The following TTLL11 variants were observed in gnomAD, a reference collection of about 807,000 sequenced individuals.
The protein encoded by TTLL11 is tubulin tyrosine ligase like 11, also known as tubulin polyglutamylase TTLL11.
In TTLL11, 42 loss-of-function variants were observed where a neutral mutation model predicts 51.7. That is an observed-to-expected ratio of 0.81 (90% CI 0.64 to 1.05). The LOEUF (loss-of-function observed/expected upper bound fraction) is 1.05. TTLL11 is among the 50% of genes least tolerant of loss of function. The pLI is 0.00. For missense variants in TTLL11, 799 were observed against 940.4 expected, an observed-to-expected ratio of 0.85 and a Z score of 1.97; for synonymous variants, 381 against 383.5, an observed-to-expected ratio of 0.99 and a Z score of 0.08.
At chr9:122,072,264 C>T (rs2131896120) in intron 1 of TTLL11, among the ~76,000 whole-genome samples, 1 of 152,242 alleles carries the variant, frequency 6.6e-6, no homozygotes, top group Non-Finnish European at 1.5e-5. Flanking sequence ...GCTTGCAGCT[C>T]AGTTCTGTAT....
chr9:122,052,366 G>A (rs891963401), intron 1 of TTLL11, among the ~76,000 whole-genome samples: 5 of 152,330 alleles, frequency 3.3e-5, no homozygotes, highest in South Asian at 2.1e-4. Flanking sequence ...ACAGCTTCCC[G>A]ACTGCAGTGT....
At chr9:121,897,473 C>T (rs917062231) in intron 6 of TTLL11, among the ~76,000 whole-genome samples, 6 of 152,112 alleles carry the variant, frequency 3.9e-5, no homozygotes, top group African/African-American at 7.2e-5. Context: ...ATCAGTGCTC[C>T]GGCCATCATC....
At chr9:121,885,381 T>C (rs1838972725) in intron 6 of TTLL11, 1 of 152,240 alleles carries the variant, frequency 6.6e-6, no homozygotes, top group Non-Finnish European at 1.5e-5. Context: ...CTGATTCAAA[T>C]ATTCTGGGGC....
rs1040330136 is a variant in TTLL11 at position 121,879,379 on chromosome 9, C to T, written c.1482-8631G>A. ...CCAGGACCACCTAACAAACCCTCCA[C>T]GTGTGCCTCATTTTCTCAGGCCTGG... On this transcript the variant is annotated intron_variant, in intron 6 of 8. Coordinates refer to ENST00000321582, the MANE Select transcript of TTLL11 (RefSeq NM_001139442.2). 6.2e-4 allele frequency among the ~76,000 whole-genome samples: 95 copies of T among 152,352 alleles called. 1 individual carries two copies. The highest frequency in any genetic ancestry group is 8.3e-4 in the South Asian group (4 of 4,828).
At chr9:121,845,862 CAA>C (rs1316936178) in intron 8 of TTLL11, among the ~76,000 whole-genome samples, 4 of 152,002 alleles carry the variant, frequency 2.6e-5, no homozygotes, top group Admixed American at 1.3e-4. Flanking sequence ...AAAACAGAAA[CAA>C]AGAACAAGTC....
At chr9:122,073,631 A>C (rs1031733977) in intron 1 of TTLL11, among the ~76,000 whole-genome samples, 1 of 152,180 alleles carries the variant, frequency 6.6e-6, no homozygotes, top group Admixed American at 6.5e-5. Context: ...GGCAGAAAGA[A>C]GATCAGATAG....
intron 6 of TTLL11, among the ~76,000 whole-genome samples, chr9:121,942,025 C>T (rs10739601): frequency 1.3e-5 from 2 of 151,894 alleles, no homozygotes; most frequent in African/African-American, 4.8e-5. Flanking sequence ...GAATAACCTG[C>T]CCTTCTCCCA....
In TTLL11 at chr9:121,974,101, A is replaced by G; in HGVS notation, c.1389T>C (p.Asn463=). The change falls in exon 6 of 9, where the codon AAT becomes AAC. Residue 463 remains asparagine (N), a synonymous_variant. Coordinates refer to ENST00000321582, the MANE Select transcript of TTLL11 (RefSeq NM_001139442.2). The part of the protein sequence containing the change: ...EHELSPGVFE[N]VPSLVDEEVK... ...CTTCTTCATCAACGAGGCTGGGGAC[A>G]TTTTCAAACACCCCTGGAGAAAGCT... 1 of 1,551,564 alleles carries G rather than the reference A, an allele frequency of 6.4e-7. No homozygotes were observed. The highest frequency in any genetic ancestry group is 8.7e-7 in the Non-Finnish European group (1 of 1,146,946).
At chr9:121,849,848 C>G (rs1837618022) in intron 8 of TTLL11, among the ~76,000 whole-genome samples, 1 of 152,136 alleles carries the variant, frequency 6.6e-6, no homozygotes, top group South Asian at 2.1e-4. Flanking sequence ...CCCTCAGCAT[C>G]CACAGGAGAT....
intron 6 of TTLL11, among the ~76,000 whole-genome samples, chr9:121,962,994 C>G (rs192008083): frequency 6.6e-6 from 1 of 152,322 alleles, no homozygotes; most frequent in African/African-American, 2.4e-5. Context: ...TGCTAAATAT[C>G]TGCACGTCTG....
At chr9:121,951,347 T>C (rs1413160177) in intron 6 of TTLL11, among the ~76,000 whole-genome samples, 1 of 152,178 alleles carries the variant, frequency 6.6e-6, no homozygotes, top group East Asian at 1.9e-4. Context: ...AGCCACCAGG[T>C]ATTCCCAGCC....
chr9:122,012,620 G>A (rs1414234100), intron 3 of TTLL11, among the ~76,000 whole-genome samples: 2 of 151,756 alleles, frequency 1.3e-5, no homozygotes, highest in African/African-American at 2.4e-5. Context: ...TATGAGAAGT[G>A]TTATTGCACA....
rs1196946247 is a variant in TTLL11, at chr9:121,816,625, ATG to A, written c.*5960_*5961del. The A allele has an allele frequency of 2.7e-5, 4 of 148,480 alleles. No homozygotes were observed. Among genetic ancestry groups the A allele is most frequent in the Non-Finnish European group, 5.9e-5 (4 of 67,234 alleles). The allele number at this position is 148,480 out of a possible 1,614,324, so 9.2% of individuals were successfully genotyped here. On this transcript the variant is annotated 3_prime_UTR_variant, in exon 9 of 9. Coordinates refer to ENST00000321582, the MANE Select transcript of TTLL11 (RefSeq NM_001139442.2). ...ATGTGTGCATTGTGTACGTGTGTGC[ATG>A]TGTGGTGTGTGCGCGCACATGCGTG...
At chr9:121,900,374 T>C (rs1461273129) in intron 6 of TTLL11, among the ~76,000 whole-genome samples, 1 of 152,268 alleles carries the variant, frequency 6.6e-6, no homozygotes, top group East Asian at 1.9e-4. Context: ...CACTGTGTGT[T>C]AGCACATAAT....
intron 4 of TTLL11, among the ~76,000 whole-genome samples, chr9:121,977,770 G>A (rs552592545): frequency 6.6e-6 from 1 of 151,534 alleles, no homozygotes; most frequent in East Asian, 1.9e-4. Context: ...CGCCTCCCAG[G>A]CTCAAGTGAT....
intron 1 of TTLL11, among the ~76,000 whole-genome samples, chr9:122,078,860 A>G (rs1307405681): frequency 6.6e-6 from 1 of 152,156 alleles, no homozygotes; most frequent in Non-Finnish European, 1.5e-5. Flanking sequence ...TGGAGCCTTC[A>G]TAAGGAGTCT....
At position 121,816,722 on chromosome 9, in the gene TTLL11, C is replaced by T. The variant is rs4837890; in HGVS notation, c.*5865G>A. The T allele has an allele frequency of 0.68, 102,934 of 151,994 alleles. 35,730 individuals carry two copies. The highest frequency in any genetic ancestry group is 0.84 in the African/African-American group (34,690 of 41,390). The allele number at this position is 151,994 out of a possible 1,614,324, so 9.4% of individuals were successfully genotyped here. A position where few individuals can be genotyped will look rare whatever the true frequency, so the allele number is the denominator to read the frequency against. ...GTGCGTGTGTGTGCATGCATGCGCGCGTGTGTGTATAAGCATTATGCTGCG... is the reference window on the plus strand; with the variant it reads ...GTGCGTGTGTGTGCATGCATGCGCGTGTGTGTGTATAAGCATTATGCTGCG... On this transcript the variant is annotated 3_prime_UTR_variant, in exon 9 of 9. Transcript: ENST00000321582.
chr9:122,016,035 T>C (rs954300245), intron 3 of TTLL11, among the ~76,000 whole-genome samples: 7 of 152,000 alleles, frequency 4.6e-5, no homozygotes, highest in African/African-American at 1.7e-4. Flanking sequence ...ATAAGTACCA[T>C]GAAAAGAAAA....
chr9:121,827,303 G>A (rs1290532575), intron 8 of TTLL11, among the ~76,000 whole-genome samples: 1 of 151,978 alleles, frequency 6.6e-6, no homozygotes, highest in Non-Finnish European at 1.5e-5. Flanking sequence ...CTCACCCCTC[G>A]GGGCCCTTGG....
Sources: gnomAD v4.1 joint callset for allele counts (sites outside exome capture counted in the v4.1 genomes callset) on GRCh38, gnomAD v4.1.1 for gene constraint, MANE v1.5 for transcripts, NCBI Gene and HGNC (gene_info 2026-07-23, HGNC 2026-07-21) for gene names.